Variants in MIA2 observed in about 807,000 individuals in gnomAD.
MIA2 encodes the protein melanoma inhibitory activity protein 2.
In MIA2, 127 loss-of-function variants were observed where a neutral mutation model predicts 167.8. The ratio of observed to expected loss-of-function variants is 0.76; its 90% CI spans 0.66 to 0.88. The LOEUF is 0.88. MIA2 is among the 40% of genes least tolerant of loss of function. MIA2 has a pLI of 0.00. For missense variants in MIA2, 1,690 were observed against 1,624.7 expected (o/e 1.04, Z -0.69); for synonymous variants, 552 against 541.9 (o/e 1.02, Z -0.26).
At chr14:39,307,133 G>C (rs1314914951) in intron 17 of MIA2, among the ~76,000 whole-genome samples, 1 of 151,976 alleles carries the variant, frequency 6.6e-6, no homozygotes, top group Non-Finnish European at 1.5e-5. Context: ...CAAAATTTTA[G>C]CTTAAAAGGG....
intron 6 of MIA2, chr14:39,265,478 A>C: frequency 1.4e-6 from 2 of 1,403,502 alleles, no homozygotes; most frequent in South Asian, 2.4e-5. Flanking sequence ...TTTTGCACTA[A>C]GTTTGTTAAG....
chr14:39,292,007 T>A (rs902496022), intron 10 of MIA2, among the ~76,000 whole-genome samples: 1 of 152,214 alleles, frequency 6.6e-6, no homozygotes, highest in Non-Finnish European at 1.5e-5. Context: ...TCCGTAATCA[T>A]CAGAAACTCT....
At chr14:39,294,630 C>T (rs565261698) in intron 12 of MIA2, among the ~76,000 whole-genome samples, 1 of 152,020 alleles carries the variant, frequency 6.6e-6, no homozygotes, top group African/African-American at 2.4e-5. Flanking sequence ...AAAAAGTCCC[C>T]AGGAAGTTTA....
chr14:39,322,985 A>G (rs1345929427), intron 24 of MIA2, among the ~76,000 whole-genome samples: 1 of 152,180 alleles, frequency 6.6e-6, no homozygotes, highest in Non-Finnish European at 1.5e-5. Flanking sequence ...AATCCAACAA[A>G]TCAAAGTTCA....
intron 23 of MIA2, among the ~76,000 whole-genome samples, chr14:39,373,452 A>G (rs1389924480): frequency 1.3e-5 from 2 of 152,204 alleles, no homozygotes; most frequent in Non-Finnish European, 1.5e-5. Flanking sequence ...AGATAAAAGA[A>G]TAAAAGCCAC....
chr14:39,279,373 C>T lies in MIA2; in HGVS notation c.2041+15C>T, dbSNP rs1256842449. 19 of 1,606,556 alleles carry T rather than the reference C, an allele frequency of 1.2e-5. No individual in the cohort carries two copies. Among genetic ancestry groups the T allele is most frequent in the Non-Finnish European group, 1.4e-5 (17 of 1,178,018 alleles). ...GCTTTATGTGGGTAAGTTCTTTTTTCTGCTTTGACTCTCATTGTTGTGTTG... is the reference window on the plus strand; with the variant it reads ...GCTTTATGTGGGTAAGTTCTTTTTTTTGCTTTGACTCTCATTGTTGTGTTG... On this transcript the variant is annotated intron_variant, in intron 8 of 28. Transcript: ENST00000640607.
downstream of MIA2, among the ~76,000 whole-genome samples, chr14:39,355,151 A>G (rs1010376280): frequency 9.3e-5 from 14 of 150,638 alleles, no homozygotes; most frequent in African/African-American, 3.2e-4. Flanking sequence ...CTTGGGCAGT[A>G]TGGCCATTTT....
chr14:39,345,369 C>T (rs1036963332), intron 25 of MIA2, among the ~76,000 whole-genome samples: 1 of 152,130 alleles, frequency 6.6e-6, no homozygotes, highest in Non-Finnish European at 1.5e-5. Flanking sequence ...CCACCATACC[C>T]GTCTCTTTCC....
chr14:39,307,852 G>T (rs1476231906), intron 17 of MIA2, among the ~76,000 whole-genome samples: 1 of 152,070 alleles, frequency 6.6e-6, no homozygotes, highest in African/African-American at 2.4e-5. Flanking sequence ...AAGAGAAATG[G>T]CTCATGTTCT....
intron 25 of MIA2, 67 bp from the exon 26 acceptor site, chr14:39,345,837 C>T (rs564247875): frequency 4.0e-5 from 55 of 1,379,226 alleles, no homozygotes; most frequent in Middle Eastern, 2.6e-4. Flanking sequence ...AAGTTCAATA[C>T]GTTAAACTTA....
chr14:39,380,122 T>C (rs1299875823), intron 23 of MIA2, among the ~76,000 whole-genome samples: 1 of 152,210 alleles, frequency 6.6e-6, no homozygotes. Flanking sequence ...GAATGTTATA[T>C]TGAAAGAAAA....
intron 6 of MIA2, among the ~76,000 whole-genome samples, chr14:39,259,127 T>G (rs2054954369): frequency 6.6e-6 from 1 of 152,194 alleles, no homozygotes; most frequent in Admixed American, 6.5e-5. Flanking sequence ...GAATCCCTCT[T>G]GTTAGGATCA....
At chr14:39,322,539 CAAAAAAAA>C (rs541740480) in intron 24 of MIA2, among the ~76,000 whole-genome samples, 1 of 78,220 alleles carries the variant, frequency 1.3e-5, no homozygotes, top group African/African-American at 4.8e-5. Flanking sequence ...GACTCCGTCT[CAAAAAAAA>C]AAAAAAAAAA....
chr14:39,386,621 T>G, intron 23 of MIA2: 1 of 1,051,618 alleles, frequency 9.5e-7, no homozygotes, highest in Non-Finnish European at 1.4e-6. Flanking sequence ...TTTTTCTTTT[T>G]TTTTGGCTGG....
intron 25 of MIA2, among the ~76,000 whole-genome samples, chr14:39,333,386 G>A (rs116690967): frequency 0.02 from 3,082 of 152,250 alleles, 108 homozygotes; most frequent in African/African-American, 0.068. Context: ...TTTTGCCTTA[G>A]CTGAAAACTG....
Position 39,388,416 on chromosome 14 carries a change from C to A in MIA2, c.*1464C>A, listed in dbSNP as rs2075299259. The A allele has an allele frequency of 6.6e-6, 1 of 152,204 alleles. No individual in the cohort carries two copies. The highest frequency in any genetic ancestry group is 1.5e-5 in the Non-Finnish European group (1 of 68,062). 9.4% of individuals were successfully genotyped at this position (152,204 alleles called of 1,614,324 possible). ...TTTTATGTCCTTACCTGATTTCCCT[C>A]TGAAAAATGTTTTCCAGAGATGTAG... is the stretch of plus-strand genomic sequence containing the variant. On this transcript the variant is annotated 3_prime_UTR_variant, in exon 24 of 24. Coordinates refer to the MIA2 transcript ENST00000341502. The surrounding 1 kb of genome is among the most constrained non-coding windows in gnomAD (Gnocchi z 4.1).
At chr14:39,319,156 T>C (rs1002849045) in intron 22 of MIA2, 53 bp from the exon 23 acceptor site, 12 of 1,026,192 alleles carry the variant, frequency 1.2e-5, no homozygotes, top group Non-Finnish European at 1.7e-5. Flanking sequence ...CATTTTTTCT[T>C]GTGGTGCTTC....
chr14:39,301,130 G>A (rs1004824758), intron 14 of MIA2, among the ~76,000 whole-genome samples: 24 of 150,938 alleles, frequency 1.6e-4, no homozygotes, highest in Admixed American at 8.6e-4. Flanking sequence ...GCACCATCTC[G>A]GCTCATTGCA....
intron 4 of MIA2, among the ~76,000 whole-genome samples, chr14:39,248,521 T>G (rs1364047125): frequency 6.6e-6 from 1 of 152,096 alleles, no homozygotes; most frequent in Non-Finnish European, 1.5e-5. Flanking sequence ...GACAGTAATT[T>G]TCTTTTTTTG....
Sources: allele counts gnomAD v4.1 joint callset (sites outside exome capture counted in the v4.1 genomes callset), GRCh38; gene constraint gnomAD v4.1.1; non-coding constraint Gnocchi (gnomAD v3.1); transcripts MANE v1.5; gene names NCBI Gene and HGNC (gene_info 2026-07-23, HGNC 2026-07-21).